Variants in PDLIM5 observed in about 807,000 individuals in gnomAD.
The protein encoded by PDLIM5 is PDZ and LIM domain 5.
In PDLIM5, 34 loss-of-function variants were observed where a neutral mutation model predicts 64.2. The ratio of observed to expected loss-of-function variants is 0.53; its 90% CI spans 0.40 to 0.71. The LOEUF is 0.71. Among genes scored for constraint, PDLIM5 ranks in the 30% least tolerant of loss-of-function variants. PDLIM5 has a pLI of 0.00. For missense variants in PDLIM5, 683 were observed against 733.6 expected, an observed-to-expected ratio of 0.93 and a Z score of 0.80; for synonymous variants, 253 against 269.1, an observed-to-expected ratio of 0.94 and a Z score of 0.59.
chr4:94,578,501 A>C (rs951225239), intron 5 of PDLIM5, among the ~76,000 whole-genome samples: 1 of 152,204 alleles, frequency 6.6e-6, no homozygotes, highest in Non-Finnish European at 1.5e-5. Flanking sequence ...ATATTAGGAC[A>C]ATAAAAACTT....
In PDLIM5 at chr4:94,664,931, G is replaced by A; in HGVS notation, c.*864G>A. On this transcript the variant is annotated 3_prime_UTR_variant, in exon 13 of 13. Coordinates refer to ENST00000317968, the MANE Select transcript of PDLIM5 (RefSeq NM_006457.5). ...ACAGTGGATCATTCTAGTAGGAAAG[G>A]ACAATAAGATTTTTTATCAAAATGT... The A allele has an allele frequency of 4.1e-6, 4 of 982,012 alleles. No homozygotes were observed. The highest frequency in any genetic ancestry group is 1.7e-5 in the African/African-American group (1 of 57,246). The allele number at this position is 982,012 out of a possible 1,614,324, so 60.8% of individuals were successfully genotyped here.
intron 3 of PDLIM5, among the ~76,000 whole-genome samples, chr4:94,535,590 A>T (rs1458723301): frequency 6.6e-6 from 1 of 152,138 alleles, no homozygotes; most frequent in African/African-American, 2.4e-5. Flanking sequence ...CTTTGTATAT[A>T]TGTCTCAAAA....
intron 3 of PDLIM5, among the ~76,000 whole-genome samples, chr4:94,554,498 A>G (rs1190499503): frequency 6.6e-6 from 1 of 152,216 alleles, no homozygotes; most frequent in Non-Finnish European, 1.5e-5. Flanking sequence ...ATATATATAA[A>G]GACACAGATT....
intron 7 of PDLIM5, among the ~76,000 whole-genome samples, chr4:94,595,156 C>T (rs1736968823): frequency 6.6e-6 from 1 of 152,132 alleles, no homozygotes; most frequent in Non-Finnish European, 1.5e-5. Context: ...ATGGGAAAAC[C>T]ACCCCAATGA....
At chr4:94,575,507 A>C in intron 4 of PDLIM5, 109 bp from the exon 5 acceptor site, 1 of 751,858 alleles carries the variant, frequency 1.3e-6, no homozygotes, top group East Asian at 2.6e-5. Context: ...TGAGCTGCTA[A>C]CCTGATTGTG....
At chr4:94,649,417 C>A (rs1372432166) in intron 9 of PDLIM5, among the ~76,000 whole-genome samples, 1 of 152,190 alleles carries the variant, frequency 6.6e-6, no homozygotes, top group Non-Finnish European at 1.5e-5. Flanking sequence ...TTCCTGGTCA[C>A]CTATTTAAAT....
At chr4:94,477,141 G>C (rs951836633) in intron 2 of PDLIM5, among the ~76,000 whole-genome samples, 3 of 152,186 alleles carry the variant, frequency 2.0e-5, no homozygotes, top group Non-Finnish European at 4.4e-5. Context: ...TGAGGGAAGA[G>C]TGGTAGAAAG....
intron 2 of PDLIM5, among the ~76,000 whole-genome samples, chr4:94,512,313 C>G (rs1056244649): frequency 6.6e-6 from 1 of 152,150 alleles, no homozygotes; most frequent in Non-Finnish European, 1.5e-5. Context: ...GCCACTGTGC[C>G]TGGCCAGTAG....
intron 3 of PDLIM5, among the ~76,000 whole-genome samples, chr4:94,566,623 T>A (rs1455501625): frequency 1.3e-5 from 2 of 152,232 alleles, no homozygotes; most frequent in African/African-American, 4.8e-5. Context: ...AGAAACTATA[T>A]GTTGCCTAAT....
At position 94,503,410 on chromosome 4, in the gene PDLIM5, G is replaced by T. The variant is rs904219766; in HGVS notation, c.97-20314G>T. 8.5e-5 allele frequency among the ~76,000 whole-genome samples: 13 copies of T among 152,258 alleles called. 1 individual carries two copies. The East Asian group carries it at 2.5e-3, about 29-fold the overall frequency. ...TCTGTCTTTAGCCAGTAGAATTTTT[G>T]AATAACTTGGGTATTTTTCACTGAC... On this transcript the variant is annotated intron_variant, in intron 2 of 12. Coordinates refer to ENST00000317968, the MANE Select transcript of PDLIM5 (RefSeq NM_006457.5).
chr4:94,578,221 T>G (rs1735447453), intron 5 of PDLIM5, among the ~76,000 whole-genome samples: 1 of 152,142 alleles, frequency 6.6e-6, no homozygotes, highest in South Asian at 2.1e-4. Flanking sequence ...AAGCTTAAGT[T>G]TTGTGTTTTA....
intron 2 of PDLIM5, chr4:94,456,397 T>C (rs1273663381): frequency 2.8e-5 from 19 of 669,840 alleles, no homozygotes; most frequent in Middle Eastern, 7.6e-4. Context: ...CAAGTTTCCC[T>C]ATGTTGGTCA....
At chr4:94,651,463 G>A (rs1388788289) in intron 9 of PDLIM5, among the ~76,000 whole-genome samples, 2 of 152,106 alleles carry the variant, frequency 1.3e-5, no homozygotes. Flanking sequence ...CTATATTCCA[G>A]CAAGTTTGTA....
rs116540298 is a variant in PDLIM5, at chr4:94,476,529, T to G, written c.96+21145T>G. ...CCTGCCAAACCTGAAATGTGGACAT[T>G]TTTATGAATATTTGTGAAAACAGAC... On this transcript the variant is annotated intron_variant, in intron 2 of 12. Transcript: ENST00000317968. Among the ~76,000 whole-genome samples the G allele has an allele frequency of 6.2e-3, 948 of 152,256 alleles. 3 individuals are homozygous for G. The highest frequency in any genetic ancestry group is 0.01 in the Non-Finnish European group (684 of 67,998).
At chr4:94,637,956 C>G (rs887558445) in intron 8 of PDLIM5, among the ~76,000 whole-genome samples, 2 of 152,140 alleles carry the variant, frequency 1.3e-5, no homozygotes, top group Non-Finnish European at 2.9e-5. Context: ...GAGAAAGAAA[C>G]ATTTTCTATG....
intron 3 of PDLIM5, among the ~76,000 whole-genome samples, chr4:94,560,841 C>G (rs1376876870): frequency 6.6e-6 from 1 of 152,162 alleles, no homozygotes; most frequent in African/African-American, 2.4e-5. Context: ...ATTCTCCTGC[C>G]TCAGCCTCCT....
chr4:94,475,722 TAC>T (rs1725264724), intron 2 of PDLIM5, among the ~76,000 whole-genome samples: 1 of 152,174 alleles, frequency 6.6e-6, no homozygotes, highest in Non-Finnish European at 1.5e-5. Context: ...CATTACTAAC[TAC>T]ACATTTTAAA....
At chr4:94,634,037 G>C (rs1413932461) in intron 8 of PDLIM5, among the ~76,000 whole-genome samples, 1 of 152,130 alleles carries the variant, frequency 6.6e-6, no homozygotes, top group Non-Finnish European at 1.5e-5. Flanking sequence ...GGATATAATG[G>C]GCAAGGGGTA....
chr4:94,604,403 G>C (rs895505270), intron 7 of PDLIM5, among the ~76,000 whole-genome samples: 1 of 152,206 alleles, frequency 6.6e-6, no homozygotes, highest in African/African-American at 2.4e-5. Flanking sequence ...GGAGGCCAAG[G>C]CAGGCGGATC....
Sources: allele counts gnomAD v4.1 joint callset (sites outside exome capture counted in the v4.1 genomes callset), GRCh38; gene constraint gnomAD v4.1.1; transcripts MANE v1.5; gene names NCBI Gene and HGNC (gene_info 2026-07-23, HGNC 2026-07-21).